The following SGPL1 variants were observed in gnomAD, a reference collection of about 807,000 sequenced individuals.
SGPL1 encodes the protein SP-lyase 1.
A neutral mutation model predicts 68.9 loss-of-function variants in SGPL1; 37 were observed. That is an observed-to-expected ratio of 0.54 (90% confidence interval 0.41 to 0.71). The LOEUF (loss-of-function observed/expected upper bound fraction) is 0.71. Ranked by LOEUF, SGPL1 falls within the 30% of genes least tolerant of loss-of-function variation. The pLI is 0.00. For missense variants in SGPL1, 551 were observed against 704.6 expected, an observed-to-expected ratio of 0.78 and a Z score of 2.47; for synonymous variants, 236 against 248.5, an observed-to-expected ratio of 0.95 and a Z score of 0.47.
chr10:70,869,803 A>G lies in SGPL1; in HGVS notation c.716A>G (p.Gln239Arg), dbSNP rs773389676. ...TCCCTGTCATTTAGTGTGGCTCCCC[A>G]AAGTGCCCATGCTGCATTTAACAAA... ...GIKTPEIVAP[Q>R]SAHAAFNKAA... is the part of the protein sequence containing the mutation. The change falls in exon 9 of 15, where the codon CAA becomes CGA. Residue 239 changes from glutamine to arginine, a missense_variant. By Grantham distance (43) the Gln-to-Arg change is conservative. Transcript: ENST00000373202. The G allele has an allele frequency of 6.2e-7, 1 of 1,613,822 alleles. No individual in the cohort carries two copies. The highest frequency in any genetic ancestry group is 1.3e-5 in the African/African-American group (1 of 74,900).
chr10:70,861,498 C>T lies in SGPL1; in HGVS notation c.615+1999C>T, dbSNP rs1035669511. On this transcript the variant is annotated intron_variant, in intron 7 of 14. Transcript: ENST00000373202. The stretch of plus-strand genomic sequence containing the variant: ...GCGTGCTGGCAGTCCTCACAGCCCT[C>T]GCTCGCTCTCGGCGCCTCCTCTGCC... Among the ~76,000 whole-genome samples the T allele has an allele frequency of 5.9e-5, 9 of 152,166 alleles. No individual in the cohort carries two copies. The East Asian group carries it at 1.5e-3, about 26-fold the overall frequency.
At chr10:70,860,563 C>T (rs1846035806) in intron 7 of SGPL1, 1 of 409,628 alleles carries the variant, frequency 2.4e-6, no homozygotes, top group Non-Finnish European at 4.9e-6. Context: ...CCTTAGAGTA[C>T]TGAGGTGAAC....
At chr10:70,821,718 C>G (rs1375999695) in intron 2 of SGPL1, among the ~76,000 whole-genome samples, 1 of 152,170 alleles carries the variant, frequency 6.6e-6, no homozygotes, top group Non-Finnish European at 1.5e-5. Flanking sequence ...GGTTGAGAAA[C>G]TGGTATGAAG....
Position 70,877,383 on chromosome 10 carries a change from C to G in SGPL1, c.*48C>G, listed in dbSNP as rs774045941. On this transcript the variant is annotated 3_prime_UTR_variant, in exon 15 of 15. Transcript: ENST00000373202. ...AGGGGATTCCAGCCTTCAGAAGGTT[C>G]TTGGGATATGGAACAGGCCGTGCAC... is the stretch of plus-strand genomic sequence containing the variant. 6.2e-7 allele frequency: 1 copy of G among 1,601,648 alleles called. No individual in the cohort carries two copies. The highest frequency in any genetic ancestry group is 2.2e-5 in the East Asian group (1 of 44,758).
intron 9 of SGPL1, 68 bp downstream of exon 9, chr10:70,869,965 A>G: frequency 7.9e-7 from 1 of 1,261,264 alleles, no homozygotes; most frequent in East Asian, 2.4e-5. Flanking sequence ...CCTGTTGACT[A>G]GCCGTTTCCA....
chr10:70,861,362 A>G (rs1209657390), intron 7 of SGPL1, among the ~76,000 whole-genome samples: 1 of 152,164 alleles, frequency 6.6e-6, no homozygotes, highest in African/African-American at 2.4e-5. Flanking sequence ...CATAACTGTT[A>G]GGACAACTGA....
In SGPL1 at chr10:70,875,400, A is replaced by G; in HGVS notation, c.1299-2A>G. On this transcript the variant is annotated splice_acceptor_variant, in intron 12 of 14. Transcript: ENST00000373202. LOFTEE classifies it high-confidence loss of function. ...TTCCTTCATTTATTTTTTTGTTTTAAGACTGGAAAATATCAAAGGCATCTT... is the reference window on the plus strand; with the variant it reads ...TTCCTTCATTTATTTTTTTGTTTTAGGACTGGAAAATATCAAAGGCATCTT... 1 of 1,600,686 alleles carries G rather than the reference A, an allele frequency of 6.2e-7. No homozygotes were observed. The highest frequency in any genetic ancestry group is 8.6e-7 in the Non-Finnish European group (1 of 1,168,798).
chr10:70,859,540 G>T, intron 7 of SGPL1, 41 bp downstream of exon 7: 1 of 1,249,072 alleles, frequency 8.0e-7, no homozygotes, highest in South Asian at 2.6e-5. Context: ...TTATTTTTTA[G>T]GTTAAAATAG....
At chr10:70,852,534 T>C (rs775280343) in intron 4 of SGPL1, among the ~76,000 whole-genome samples, 2 of 152,188 alleles carry the variant, frequency 1.3e-5, no homozygotes, top group Non-Finnish European at 2.9e-5. Context: ...TTTTCTTCTT[T>C]TCGTTCAGTT....
intron 4 of SGPL1, among the ~76,000 whole-genome samples, chr10:70,852,120 C>T (rs1845892172): frequency 6.6e-6 from 1 of 152,198 alleles, no homozygotes; most frequent in South Asian, 2.1e-4. Flanking sequence ...CAGTGCCCTC[C>T]CCTGACCCCC....
At chr10:70,839,179 G>A (rs1845677515) in intron 2 of SGPL1, among the ~76,000 whole-genome samples, 1 of 152,060 alleles carries the variant, frequency 6.6e-6, no homozygotes, top group African/African-American at 2.4e-5. Flanking sequence ...TGTAATCATT[G>A]AATTGGAAAT....
At chr10:70,861,691 G>C (rs772856725) in intron 7 of SGPL1, among the ~76,000 whole-genome samples, 1 of 152,240 alleles carries the variant, frequency 6.6e-6, no homozygotes, top group South Asian at 2.1e-4. Flanking sequence ...TTGCGGGCCA[G>C]CTAGAGTTCC....
At position 70,875,499 on chromosome 10, in the gene SGPL1, C is replaced by T. The variant is rs755711929; in HGVS notation, c.1396C>T (p.Leu466=). 37 of 1,613,534 alleles carry T rather than the reference C, an allele frequency of 2.3e-5. No individual in the cohort carries two copies. Among genetic ancestry groups the T allele is most frequent in the Non-Finnish European group, 3.1e-5 (36 of 1,179,548 alleles). ...TTTTGACATCTACCGACTATCAAAC[C>T]TGATGACTGCTAAGGGGTGGAACTT... is the stretch of plus-strand genomic sequence containing the variant. ...RDFDIYRLSN[L]MTAKGWNLNQ... Residue 466 remains leucine (L), a synonymous_variant, in exon 13 of 15, where the codon CTG becomes TTG. Transcript: ENST00000373202.
At chr10:70,868,504 C>A (rs1324621949) in intron 8 of SGPL1, 71 bp downstream of exon 8, 14 of 1,236,012 alleles carry the variant, frequency 1.1e-5, no homozygotes, top group Non-Finnish European at 1.7e-5. Flanking sequence ...GAAACTAAAG[C>A]AGATAATCCA....
chr10:70,876,525 G>C lies in SGPL1; in HGVS notation c.1446-16G>C. On this transcript the variant is annotated splice_polypyrimidine_tract_variant and intron_variant, in intron 13 of 14. Coordinates refer to ENST00000373202, the MANE Select transcript of SGPL1 (RefSeq NM_003901.4). ...CTTTCTTCAAGGTTCATCTCTCTCTGTCTCTTCTTTCCTAGTATTCATTTC... is the reference window on the plus strand; with the variant it reads ...CTTTCTTCAAGGTTCATCTCTCTCTCTCTCTTCTTTCCTAGTATTCATTTC... The C allele has an allele frequency of 6.2e-7, 1 of 1,602,236 alleles. No individual in the cohort carries two copies. Among genetic ancestry groups the C allele is most frequent in the Non-Finnish European group, 8.5e-7 (1 of 1,176,088 alleles).
chr10:70,860,941 C>T (rs1041184961), intron 7 of SGPL1, among the ~76,000 whole-genome samples: 1 of 152,078 alleles, frequency 6.6e-6, no homozygotes. Flanking sequence ...CAAATTGCCT[C>T]ATCCATCTTT....
chr10:70,829,148 T>A (rs750640104), intron 2 of SGPL1, among the ~76,000 whole-genome samples: 16 of 152,208 alleles, frequency 1.1e-4, no homozygotes, highest in Non-Finnish European at 2.2e-4. Flanking sequence ...TTTGGATGAC[T>A]GAAAACACAC....
chr10:70,816,496 G>C (rs1433758195), intron 1 of SGPL1, among the ~76,000 whole-genome samples: 3 of 152,192 alleles, frequency 2.0e-5, no homozygotes, highest in Admixed American at 6.5e-5. Context: ...TTCAGCCCGG[G>C]TTAGGTGGCC....
At position 70,875,468 on chromosome 10, in the gene SGPL1, C is replaced by T. The variant is rs758662372; in HGVS notation, c.1365C>T (p.Ser455=). The change falls in exon 13 of 15, where the codon TCC becomes TCT. Residue 455 remains serine (S), a synonymous_variant. Transcript: ENST00000373202. The part of the protein sequence containing the change: ...NPQLSVIALG[S]RDFDIYRLSN... ...AATTGTCAGTCATTGCTCTGGGATCCCGTGATTTTGACATCTACCGACTAT... is the reference window on the plus strand; with the variant it reads ...AATTGTCAGTCATTGCTCTGGGATCTCGTGATTTTGACATCTACCGACTAT... The T allele has an allele frequency of 2.5e-6, 4 of 1,612,776 alleles. No homozygotes were observed. The African/African-American group carries it at 5.3e-5, about 22-fold the overall frequency.
Sources: allele counts gnomAD v4.1 joint callset (sites outside exome capture counted in the v4.1 genomes callset), GRCh38; gene constraint gnomAD v4.1.1; transcripts MANE v1.5; gene names NCBI Gene and HGNC (gene_info 2026-07-23, HGNC 2026-07-21).